Variants in SBNO2 observed in about 807,000 individuals in gnomAD.
SBNO2 encodes strawberry notch homolog 2.
SBNO2 carries 89 observed loss-of-function variants against 146.3 expected under a neutral mutation model. That is an observed-to-expected ratio of 0.61 (90% CI 0.51 to 0.73). SBNO2 has a LOEUF of 0.73. Ranked by LOEUF, SBNO2 falls within the 30% of genes least tolerant of loss-of-function variation. The probability of loss-of-function intolerance (pLI) is 0.00; values close to 1 mark genes in which losing one functional copy is unlikely to be tolerated. For synonymous variants in SBNO2, 1,147 were observed against 892.6 expected (o/e 1.29, Z -5.08); for missense variants, 2,092 against 2,003.7 (o/e 1.04, Z -0.84).
At chr19:1,151,367 C>G (rs1293280297) in intron 2 of SBNO2, among the ~76,000 whole-genome samples, 1 of 152,194 alleles carries the variant, frequency 6.6e-6, no homozygotes, top group Non-Finnish European at 1.5e-5. Flanking sequence ...CATGCTCCAC[C>G]TGTACCCAGG....
rs761379689 is a variant in SBNO2 at position 1,119,579 on chromosome 19, C to T, written c.1310G>A (p.Gly437Asp). ...GAAGGGTGTGCCCTCGCCCCAGATA[C>T]CCAAGCGGCTCATGTAGATCATGTT... ...PRNMIYMSRL[G>D]IWGEGTPFRN... The change falls in exon 13 of 32, where the codon GGT becomes GAT. Residue 437 changes from glycine to aspartate, a missense_variant. Physicochemically the swap from Gly to Asp is moderately conservative, Grantham distance 94. Transcript: ENST00000361757. 6.2e-7 allele frequency: 1 copy of T among 1,611,600 alleles called. No homozygotes were observed.
At chr19:1,118,858 C>T (rs1048323320) in intron 14 of SBNO2, among the ~76,000 whole-genome samples, 153 bp downstream of exon 14, 13 of 151,636 alleles carry the variant, frequency 8.6e-5, no homozygotes, top group South Asian at 4.1e-4. Context: ...GATGACAGCA[C>T]GAGACTGTCT....
In SBNO2 at chr19:1,127,761, G is replaced by T; in HGVS notation, c.284C>A (p.Ser95Tyr). 6.2e-7 allele frequency: 1 copy of T among 1,613,194 alleles called. No individual in the cohort carries two copies. The highest frequency in any genetic ancestry group is 8.5e-7 in the Non-Finnish European group (1 of 1,179,576). The change falls in exon 5 of 32, where the codon TCC becomes TAC. Residue 95 changes from serine (S) to tyrosine (Y), a missense_variant. By Grantham distance (144) the Ser-to-Tyr change is moderately radical (BLOSUM62 -2). Coordinates refer to ENST00000361757, the MANE Select transcript of SBNO2 (RefSeq NM_014963.3). ...PPKTCDFAQDSSYFEDFSNIS... is the reference protein window; with the variant it reads ...PPKTCDFAQDYSYFEDFSNIS... ...GTTGGAGAAGTCCTCAAAATAGGAGGAGTCCTGGAAGACAAGGCCAGGCCC... is the reference window on the plus strand; with the variant it reads ...GTTGGAGAAGTCCTCAAAATAGGAGTAGTCCTGGAAGACAAGGCCAGGCCC...
rs1474520957 is a variant in SBNO2, at chr19:1,150,056, G to A, written c.94-614C>T. ...CTGCTTTGGGAAATGGTGACCAGTGGCCTGGAGGCTCAGCCCGAGGTCAGT... is the reference window on the plus strand; with the variant it reads ...CTGCTTTGGGAAATGGTGACCAGTGACCTGGAGGCTCAGCCCGAGGTCAGT... On this transcript the variant is annotated intron_variant, in intron 2 of 31. Transcript: ENST00000361757. This position sits in a 1 kb window ranked among gnomAD's most constrained non-coding sequence, Gnocchi z 6.2. 6.6e-6 allele frequency among the ~76,000 whole-genome samples: 1 copy of A among 152,168 alleles called. No homozygotes were observed. Among genetic ancestry groups the A allele is most frequent in the Non-Finnish European group, 1.5e-5 (1 of 68,014 alleles).
In SBNO2 at chr19:1,126,925, G is replaced by A. The variant is rs899770771; in HGVS notation, c.441+679C>T. On this transcript the variant is annotated intron_variant, in intron 5 of 31. Transcript: ENST00000361757. The surrounding 1 kb of genome is among the most constrained non-coding windows in gnomAD (Gnocchi z 4.4). ...TAGAGGCTAGGCCCGAAGAACCTGG[G>A]GGCCCTGCTGCCCTACAACCCCTGC... Among the ~76,000 whole-genome samples the A allele has an allele frequency of 6.6e-6, 1 of 152,186 alleles. No homozygotes were observed. The highest frequency in any genetic ancestry group is 6.5e-5 in the Admixed American group (1 of 15,280).
At chr19:1,164,716 G>A (rs1300300606) in intron 1 of SBNO2, among the ~76,000 whole-genome samples, 12 of 87,050 alleles carry the variant, frequency 1.4e-4, no homozygotes, top group East Asian at 4.2e-4. Flanking sequence ...AGGAGGAGGA[G>A]GAACAGGAAG....
At position 1,163,774 on chromosome 19, in the gene SBNO2, C is replaced by T. The variant is rs563602369; in HGVS notation, c.-126-9372G>A. ...TTTCTCAAGCATGCTGGGGGACGGC[C>T]CCTCAATTTAGGATGAGGACGAGGT... On this transcript the variant is annotated intron_variant, in intron 1 of 31. Transcript: ENST00000361757. Among the ~76,000 whole-genome samples the T allele has an allele frequency of 8.5e-5, 13 of 152,322 alleles. No homozygotes were observed. The South Asian group carries it at 2.7e-3, about 32-fold the overall frequency.
chr19:1,110,950 C>T lies in SBNO2; in HGVS notation c.2885-62G>A. The T allele has an allele frequency of 6.2e-7, 1 of 1,610,550 alleles. No homozygotes were observed. Among genetic ancestry groups the T allele is most frequent in the Non-Finnish European group, 8.5e-7 (1 of 1,177,618 alleles). On this transcript the variant is annotated intron_variant, in intron 25 of 31. Transcript: ENST00000361757. The surrounding 1 kb of genome is among the most constrained non-coding windows in gnomAD (Gnocchi z 4.9). ...GGAATCCCTCTCCCTGCTTTGCTCACCACCCGAGGCCAAGGTTGCATGAGA... is the reference window on the plus strand; with the variant it reads ...GGAATCCCTCTCCCTGCTTTGCTCATCACCCGAGGCCAAGGTTGCATGAGA...
Position 1,110,980 on chromosome 19 carries a change from A to G in SBNO2, c.2884+39T>C. The G allele has an allele frequency of 6.2e-7, 1 of 1,609,748 alleles. No individual in the cohort carries two copies. Among genetic ancestry groups the G allele is most frequent in the Non-Finnish European group, 8.5e-7 (1 of 1,178,004 alleles). On this transcript the variant is annotated intron_variant, in intron 25 of 31. Coordinates refer to ENST00000361757, the MANE Select transcript of SBNO2 (RefSeq NM_014963.3). This position sits in a 1 kb window ranked among gnomAD's most constrained non-coding sequence, Gnocchi z 4.9. ...CGAGGCCAAGGTTGCATGAGATGAGAGACAGGAGCGCCTCTGGGCCTGGGT... is the reference window on the plus strand; with the variant it reads ...CGAGGCCAAGGTTGCATGAGATGAGGGACAGGAGCGCCTCTGGGCCTGGGT...
chr19:1,124,008 G>A lies in SBNO2; in HGVS notation c.456C>T (p.Ser152=), dbSNP rs1190553046. The change falls in exon 6 of 32, where the codon AGC becomes AGT. Residue 152 remains serine (S), a synonymous_variant. Coordinates refer to ENST00000361757, the MANE Select transcript of SBNO2 (RefSeq NM_014963.3). ...AGTCCTCGAAGCCTGCAAACGGCCTGCTGAGCTGGAACAGCTGGAAGGGGA... is the reference window on the plus strand; with the variant it reads ...AGTCCTCGAAGCCTGCAAACGGCCTACTGAGCTGGAACAGCTGGAAGGGGA... ...PSTHDKLFQL[S]RPFAGFEDFL... is the part of the protein sequence containing the mutation. 6.2e-7 allele frequency: 1 copy of A among 1,611,464 alleles called. No homozygotes were observed. The highest frequency in any genetic ancestry group is 8.5e-7 in the Non-Finnish European group (1 of 1,179,164).
chr19:1,109,112 C>T lies in SBNO2; in HGVS notation c.3425+23G>A, dbSNP rs1017226396. ...GGTCGCCGCCATCTGCCGGTTTCCC[C>T]CTGGTCCCCGGCCCGCCCTCACCAG... On this transcript the variant is annotated intron_variant, in intron 30 of 31. Transcript: ENST00000361757. The surrounding 1 kb of genome is among the most constrained non-coding windows in gnomAD (Gnocchi z 4.2). 21 of 1,547,646 alleles carry T rather than the reference C, an allele frequency of 1.4e-5. No homozygotes were observed. The Middle Eastern group carries it at 7.1e-4, about 52-fold the overall frequency.
In SBNO2 at chr19:1,113,851, G is replaced by A. The variant is rs571013390; in HGVS notation, c.2078-147C>T. ...GGTGGCGGGGAAGCCCGGCACCGTGGCCCAGGACTGCTTTTCTGCACTTGT... is the reference window on the plus strand; with the variant it reads ...GGTGGCGGGGAAGCCCGGCACCGTGACCCAGGACTGCTTTTCTGCACTTGT... On this transcript the variant is annotated intron_variant, in intron 18 of 31. Transcript: ENST00000361757. 32 of 1,074,538 alleles carry A rather than the reference G, an allele frequency of 3.0e-5. No individual in the cohort carries two copies. The African/African-American group carries it at 5.0e-4, about 17-fold the overall frequency. The allele number at this position is 1,074,538 out of a possible 1,614,324, so 66.6% of individuals were successfully genotyped here.
Position 1,112,563 on chromosome 19 carries a change from A to T in SBNO2, c.2380-26T>A. 6.3e-7 allele frequency: 1 copy of T among 1,579,996 alleles called. No homozygotes were observed. The highest frequency in any genetic ancestry group is 8.6e-7 in the Non-Finnish European group (1 of 1,169,550). On this transcript the variant is annotated intron_variant, in intron 20 of 31. Coordinates refer to ENST00000361757, the MANE Select transcript of SBNO2 (RefSeq NM_014963.3). This position sits in a 1 kb window ranked among gnomAD's most constrained non-coding sequence, Gnocchi z 5.9. Reference sequence around the variant, plus strand: ...CTAGGGGGAAAGAAGGGGCCGGGACACGGTTGGTGCAAGGCCCGCCCCAGC... The same window carrying T: ...CTAGGGGGAAAGAAGGGGCCGGGACTCGGTTGGTGCAAGGCCCGCCCCAGC...
chr19:1,109,162 G>A lies in SBNO2; in HGVS notation c.3398C>T (p.Ser1133Leu). 1 of 1,557,368 alleles carries A rather than the reference G, an allele frequency of 6.4e-7. No individual in the cohort carries two copies. The highest frequency in any genetic ancestry group is 8.7e-7 in the Non-Finnish European group (1 of 1,151,410). ...GGCGCTGTGGCTGCAGTGCGTCAGCGACAAAGCGTAGCCACTCTCCCAGGG... is the reference window on the plus strand; with the variant it reads ...GGCGCTGTGGCTGCAGTGCGTCAGCAACAAAGCGTAGCCACTCTCCCAGGG... ...KEPWESGYAL[S>L]LTHCSHSAWN... is the part of the protein sequence containing the mutation. The change falls in exon 30 of 32, where the codon TCG becomes TTG. Residue 1133 changes from serine to leucine, a missense_variant. Ser to Leu is a moderately radical substitution (Grantham distance 145). Transcript: ENST00000361757. The surrounding 1 kb of genome is among the most constrained non-coding windows in gnomAD (Gnocchi z 4.2).
chr19:1,127,203 C>G (rs1456487548), intron 5 of SBNO2, among the ~76,000 whole-genome samples: 1 of 152,216 alleles, frequency 6.6e-6, no homozygotes, highest in Non-Finnish European at 1.5e-5. Context: ...TCCAGGGGGC[C>G]CTTCCTGACC....
intron 1 of SBNO2, among the ~76,000 whole-genome samples, chr19:1,167,183 A>G (rs751952032): frequency 3.3e-5 from 5 of 152,370 alleles, no homozygotes; most frequent in South Asian, 2.1e-4. Context: ...ATGGCCGCAC[A>G]GTTAGGCGCT....
chr19:1,138,147 G>C (rs1331635637), intron 4 of SBNO2, among the ~76,000 whole-genome samples: 3 of 54,938 alleles, frequency 5.5e-5, no homozygotes, highest in Non-Finnish European at 1.1e-4. Context: ...GGGGTGCAGT[G>C]GGGGGAGGCT....
Position 1,111,561 on chromosome 19 carries a change from C to A in SBNO2, c.2754G>T (p.Glu918Asp). The A allele has an allele frequency of 1.3e-6, 2 of 1,597,720 alleles. No homozygotes were observed. Among genetic ancestry groups the A allele is most frequent in the East Asian group, 2.3e-5 (1 of 44,214 alleles). The part of the protein sequence containing the change: ...CVLTTILSQT[E>D]NKVPVPQGYP... ...ATCCCTGGGGCACAGGCACTTTGTT[C>A]TCAGTCTGGCTCAGGATGGTGGTGA... Residue 918 changes from glutamate (E) to aspartate (D), a missense_variant, in exon 24 of 32, where the codon GAG becomes GAT. Coordinates refer to ENST00000361757, the MANE Select transcript of SBNO2 (RefSeq NM_014963.3).
At chr19:1,172,661 C>G (rs1175021393) in intron 1 of SBNO2, among the ~76,000 whole-genome samples, 1 of 152,126 alleles carries the variant, frequency 6.6e-6, no homozygotes, top group Non-Finnish European at 1.5e-5. Context: ...GCCTGTAATC[C>G]CCGTGTAATC....
Sources: gnomAD v4.1 joint callset for allele counts (sites outside exome capture counted in the v4.1 genomes callset) on GRCh38, gnomAD v4.1.1 for gene constraint, Gnocchi (gnomAD v3.1) non-coding constraint, MANE v1.5 for transcripts, NCBI Gene and HGNC (gene_info 2026-07-23, HGNC 2026-07-21) for gene names.